Variants in SYN2 observed in about 807,000 individuals in gnomAD.
SYN2 encodes synapsin II, also known as synapsin-2.
A neutral mutation model predicts 50.9 loss-of-function variants in SYN2; 19 were observed. The observed-to-expected ratio is 0.37, with a 90% CI of 0.26 to 0.55. The LOEUF is 0.55. Ranked by LOEUF, SYN2 falls within the 20% of genes least tolerant of loss-of-function variation. The pLI, the probability that SYN2 is intolerant of heterozygous loss-of-function variation, is 0.81. For synonymous variants in SYN2, 255 were observed against 224.9 expected (o/e 1.13, Z -1.20); for missense variants, 587 against 576.4 (o/e 1.02, Z -0.19).
At chr3:12,051,631 C>G (rs550826175) in intron 1 of SYN2, among the ~76,000 whole-genome samples, 1 of 152,314 alleles carries the variant, frequency 6.6e-6, no homozygotes, top group Non-Finnish European at 1.5e-5. Flanking sequence ...GTGCTAATCT[C>G]TAAACTTCAA....
chr3:12,159,893 G>A (rs1206914399), intron 5 of SYN2, among the ~76,000 whole-genome samples: 1 of 151,758 alleles, frequency 6.6e-6, no homozygotes, highest in Non-Finnish European at 1.5e-5. Context: ...AAATACAAAA[G>A]TTAGCCGGGC....
intron 2 of SYN2, among the ~76,000 whole-genome samples, chr3:12,141,585 G>A (rs1697021248): frequency 6.6e-6 from 1 of 152,200 alleles, no homozygotes; most frequent in Non-Finnish European, 1.5e-5. Context: ...TTCTCGCTCT[G>A]TAGAGAGGCA....
At chr3:12,041,488 A>G (rs960732211) in intron 1 of SYN2, among the ~76,000 whole-genome samples, 1 of 152,210 alleles carries the variant, frequency 6.6e-6, no homozygotes, top group Non-Finnish European at 1.5e-5. Context: ...TAGTGAGGTC[A>G]ACACAGGAAA....
At chr3:12,113,675 T>C (rs1696372706) in intron 1 of SYN2, among the ~76,000 whole-genome samples, 1 of 152,214 alleles carries the variant, frequency 6.6e-6, no homozygotes, top group Admixed American at 6.5e-5. Flanking sequence ...CTTATTCTAA[T>C]ATTTAATAAA....
chr3:12,119,733 A>T (rs552345960), intron 1 of SYN2, among the ~76,000 whole-genome samples: 102 of 152,108 alleles, frequency 6.7e-4, no homozygotes, highest in Non-Finnish European at 7.8e-4. Context: ...TTTGGGATCT[A>T]TTTGGAAGCT....
chr3:12,130,976 GA>G (rs1249320446), intron 1 of SYN2, among the ~76,000 whole-genome samples: 1 of 152,194 alleles, frequency 6.6e-6, no homozygotes, highest in African/African-American at 2.4e-5. Flanking sequence ...TGGCAGGGGT[GA>G]TTTCACAGTG....
intron 10 of SYN2, among the ~76,000 whole-genome samples, chr3:12,174,974 A>G (rs1004952064): frequency 1.3e-5 from 2 of 152,166 alleles, no homozygotes; most frequent in African/African-American, 4.8e-5. Flanking sequence ...AGACTTGTTT[A>G]TGGCTATATC....
At chr3:12,169,506 C>T (rs1277467310) in intron 9 of SYN2, among the ~76,000 whole-genome samples, 1 of 152,172 alleles carries the variant, frequency 6.6e-6, no homozygotes, top group Non-Finnish European at 1.5e-5. Context: ...CTACCTTCAT[C>T]CAGCAATTTT....
At chr3:12,160,466 T>C (rs1697621307) in intron 5 of SYN2, among the ~76,000 whole-genome samples, 1 of 152,188 alleles carries the variant, frequency 6.6e-6, no homozygotes, top group Non-Finnish European at 1.5e-5. Context: ...ATTATTTCCT[T>C]CAAAGGATAC....
At chr3:12,006,684 A>T (rs771290379) in intron 1 of SYN2, among the ~76,000 whole-genome samples, 2 of 152,212 alleles carry the variant, frequency 1.3e-5, no homozygotes, top group Non-Finnish European at 2.9e-5. Context: ...ATTATTAGCA[A>T]TATTAATAAC....
intron 1 of SYN2, among the ~76,000 whole-genome samples, chr3:12,088,757 G>A (rs1183483772): frequency 6.6e-6 from 1 of 152,154 alleles, no homozygotes. Context: ...TGAACCTGGA[G>A]GACGCTGTGT....
chr3:12,164,970 CCTTTTTTTCTTTTCT>C, intron 7 of SYN2, among the ~76,000 whole-genome samples: 1 of 148,140 alleles, frequency 6.8e-6, no homozygotes, highest in Middle Eastern at 3.5e-3. Context: ...TCAGTTTCTT[CCTTTTTTTCTTTTCT>C]TTTTTTTTTT....
chr3:12,132,619 A>G (rs1351052536), intron 1 of SYN2, among the ~76,000 whole-genome samples: 1 of 152,190 alleles, frequency 6.6e-6, no homozygotes, highest in Non-Finnish European at 1.5e-5. Flanking sequence ...AATCAGAGTC[A>G]TTTCATTTTG....
chr3:12,058,494 C>T (rs190620397), intron 1 of SYN2, among the ~76,000 whole-genome samples: 6 of 152,290 alleles, frequency 3.9e-5, no homozygotes, highest in African/African-American at 1.4e-4. Flanking sequence ...ATCTCTGAAG[C>T]AAACTGTTCC....
chr3:12,135,600 C>T (rs1381504946), intron 1 of SYN2, among the ~76,000 whole-genome samples: 2 of 152,192 alleles, frequency 1.3e-5, no homozygotes, highest in African/African-American at 4.8e-5. Flanking sequence ...GATTTATACT[C>T]TAGGCTCTTT....
intron 10 of SYN2, among the ~76,000 whole-genome samples, chr3:12,173,105 T>A (rs1419863017): frequency 1.1e-4 from 16 of 152,224 alleles, no homozygotes; most frequent in Non-Finnish European, 1.5e-4. Flanking sequence ...GATGGTATCT[T>A]CTGGTAACCT....
At chr3:12,137,637 AAAGG>A (rs1696922849) in intron 1 of SYN2, among the ~76,000 whole-genome samples, 2 of 152,258 alleles carry the variant, frequency 1.3e-5, no homozygotes, top group Non-Finnish European at 2.9e-5. Flanking sequence ...CAACTATTAA[AAAGG>A]AAGAGGCCCA....
intron 1 of SYN2, among the ~76,000 whole-genome samples, chr3:12,109,012 A>T (rs1349850007): frequency 6.6e-6 from 1 of 152,204 alleles, no homozygotes; most frequent in Non-Finnish European, 1.5e-5. Context: ...TTCATTCCTA[A>T]ATAACTGTTC....
intron 1 of SYN2, among the ~76,000 whole-genome samples, chr3:12,019,678 C>G (rs1450052887): frequency 6.6e-6 from 1 of 152,140 alleles, no homozygotes; most frequent in African/African-American, 2.4e-5. Flanking sequence ...ATTTCTGATT[C>G]CTTATTAAGG....
Sources: gnomAD v4.1 joint callset for allele counts (sites outside exome capture counted in the v4.1 genomes callset) on GRCh38, gnomAD v4.1.1 for gene constraint, MANE v1.5 for transcripts, NCBI Gene and HGNC (gene_info 2026-07-23, HGNC 2026-07-21) for gene names.